APC: variants seen among roughly 807,000 people sequenced by gnomAD.
APC encodes the protein adenomatous polyposis coli protein.
APC carries 72 observed loss-of-function variants against 247.0 expected under a neutral mutation model. The observed-to-expected ratio is 0.29, with a 90% CI of 0.24 to 0.35. The LOEUF is 0.35. Ranked by LOEUF, APC falls within the 10% of genes least tolerant of loss-of-function variation. APC has a pLI of 1.00. For synonymous variants in APC, 1,254 were observed against 1,162.5 expected (o/e 1.08, Z -1.60); for missense variants, 3,400 against 3,360.7 (o/e 1.01, Z -0.29).
intron 2 of APC, among the ~76,000 whole-genome samples, chr5:112,762,377 G>A (rs1755769098): frequency 6.6e-6 from 1 of 152,100 alleles, no homozygotes; most frequent in Non-Finnish European, 1.5e-5. Context: ...TCCACTAAAC[G>A]GTACAAGAAT....
intron 1 of APC, among the ~76,000 whole-genome samples, chr5:112,732,662 G>A (rs956605006): frequency 6.6e-6 from 1 of 152,158 alleles, no homozygotes; most frequent in African/African-American, 2.4e-5. Flanking sequence ...TGAGATATGA[G>A]ACAAAATCAG....
At chr5:112,781,139 G>C (rs1174555689) in intron 6 of APC, among the ~76,000 whole-genome samples, 2 of 152,156 alleles carry the variant, frequency 1.3e-5, no homozygotes, top group Non-Finnish European at 2.9e-5. Flanking sequence ...GGAATTATAA[G>C]GGAGAGACAG....
At chr5:112,800,690 G>A (rs1760726854) in intron 7 of APC, among the ~76,000 whole-genome samples, 1 of 152,068 alleles carries the variant, frequency 6.6e-6, no homozygotes. Context: ...ATCTTGAAAT[G>A]ACTGCTTTTA....
In APC at chr5:112,767,092, T is replaced by G. The variant is rs920203867; in HGVS notation, c.221-97T>G. The G allele has an allele frequency of 5.4e-6, 6 of 1,101,852 alleles. No individual in the cohort carries two copies. The African/African-American group carries it at 7.8e-5, about 14-fold the overall frequency. The allele number at this position is 1,101,852 out of a possible 1,614,324, so 68.3% of individuals were successfully genotyped here. On this transcript the variant is annotated intron_variant, in intron 3 of 15. Transcript: ENST00000257430. ...GTCATGTATATTTGTGGTTAAAATG[T>G]AAACCTAATATTTCACTTTAAAATA...
In APC at chr5:112,838,424, A is replaced by G. The variant is rs749720558; in HGVS notation, c.2830A>G (p.Asn944Asp). Residue 944 changes from asparagine (N) to aspartate (D), a missense_variant, in exon 16 of 16, where the codon AAT (asparagine) becomes GAT (aspartate). By Grantham distance (23) the Asn-to-Asp change is conservative. Transcript: ENST00000257430. ...CAATTTCACTAAGTCGGAAAATTCA[A>G]ATAGGACATGTTCTATGCCTTATGC... The part of the protein sequence containing the change: ...TYNFTKSENS[N>D]RTCSMPYAKL... 8.1e-6 allele frequency: 13 copies of G among 1,614,128 alleles called. No homozygotes were observed. Among genetic ancestry groups the G allele is most frequent in the Non-Finnish European group, 1.1e-5 (13 of 1,180,054 alleles).
chr5:112,834,013 G>A (rs1304029916), intron 14 of APC, among the ~76,000 whole-genome samples: 1 of 151,524 alleles, frequency 6.6e-6, no homozygotes, highest in South Asian at 2.1e-4. Flanking sequence ...GTGCAGTGGC[G>A]CGATCATGGC....
In APC at chr5:112,827,145, C is replaced by A. The variant is rs1763766928; in HGVS notation, c.1446C>A (p.Asp482Glu). The change falls in exon 12 of 16, where the codon GAC (aspartate) becomes GAA (glutamate). Residue 482 changes from aspartate (D) to glutamate (E), a missense_variant. Asp to Glu is a conservative substitution (Grantham distance 45). Transcript: ENST00000257430. ...CCATTGCAGAATTATTGCAAGTGGACTGTGAAATGTATGGGCTTACTAATG... is the reference window on the plus strand; with the variant it reads ...CCATTGCAGAATTATTGCAAGTGGAATGTGAAATGTATGGGCTTACTAATG... Reference protein sequence around the residue: ...LQAIAELLQVDCEMYGLTNDH... With the variant: ...LQAIAELLQVECEMYGLTNDH... 6.2e-7 allele frequency: 1 copy of A among 1,613,516 alleles called. No individual in the cohort carries two copies. The highest frequency in any genetic ancestry group is 1.3e-5 in the African/African-American group (1 of 74,866).
intron 6 of APC, among the ~76,000 whole-genome samples, chr5:112,784,756 A>G (rs1758756271): frequency 6.6e-6 from 1 of 152,212 alleles, no homozygotes; most frequent in African/African-American, 2.4e-5. Flanking sequence ...GGAGTAAATA[A>G]GAATTCCAAA....
In APC at chr5:112,793,602, A is replaced by G. The variant is rs192368700; in HGVS notation, c.729+1073A>G. On this transcript the variant is annotated intron_variant, in intron 7 of 15. Coordinates refer to ENST00000257430, the MANE Select transcript of APC (RefSeq NM_000038.6). ...GCATAGAGCTTCATTTAACTTTTTC[A>G]TAGATAGCCCGCTCTTAAATATGAG... 7.1e-3 allele frequency among the ~76,000 whole-genome samples: 1,079 copies of G among 152,342 alleles called. 8 individuals carry two copies. The highest frequency in any genetic ancestry group is 8.3e-3 in the Non-Finnish European group (563 of 68,032).
chr5:112,770,029 A>C (rs1756857538), intron 4 of APC, among the ~76,000 whole-genome samples: 1 of 152,146 alleles, frequency 6.6e-6, no homozygotes. Context: ...CATGCATACT[A>C]ACCTTTCCTT....
chr5:112,724,024 C>T (rs898781021), intron 1 of APC, among the ~76,000 whole-genome samples: 4 of 152,104 alleles, frequency 2.6e-5, no homozygotes, highest in Admixed American at 2.6e-4. Flanking sequence ...GGGGAATAGT[C>T]TGATCTTTTA....
At chr5:112,739,595 A>G (rs1169247819) in intron 1 of APC, among the ~76,000 whole-genome samples, 1 of 152,376 alleles carries the variant, frequency 6.6e-6, no homozygotes, top group East Asian at 1.9e-4. Flanking sequence ...GTGGTGGCCC[A>G]TGCCTGTAAT....
At chr5:112,740,700 A>AT (rs1263550792) in intron 1 of APC, among the ~76,000 whole-genome samples, 1 of 151,064 alleles carries the variant, frequency 6.6e-6, no homozygotes, top group Non-Finnish European at 1.5e-5. Flanking sequence ...TAATTTTTAT[A>AT]TTTTTTGTAG....
In APC at chr5:112,804,883, G is replaced by A. The variant is rs561986049; in HGVS notation, c.834+3500G>A. On this transcript the variant is annotated intron_variant, in intron 8 of 15. Coordinates refer to ENST00000257430, the MANE Select transcript of APC (RefSeq NM_000038.6). ...GGTAGTCCCAGCTACTTGGGAGGCC[G>A]TGTGGGAGGATCACTTGAGCCTGGG... Among the ~76,000 whole-genome samples the A allele has an allele frequency of 7.9e-5, 12 of 152,178 alleles. No individual in the cohort carries two copies. The South Asian group carries it at 1.4e-3, about 18-fold the overall frequency.
Position 112,839,529 on chromosome 5 carries a change from G to C in APC, c.3935G>C (p.Gly1312Ala), listed in dbSNP as rs587779791. The change falls in exon 16 of 16, where the codon GGA (glycine) becomes GCA (alanine). Residue 1312 changes from glycine (G) to alanine (A), a missense_variant. Transcript: ENST00000257430. The surrounding 1 kb of genome is among the most constrained non-coding windows in gnomAD (Gnocchi z 5.0). ...ATAGCAGAAATAAAAGAAAAGATTGGAACTAGGTCAGCTGAAGATCCTGTG... is the reference window on the plus strand; with the variant it reads ...ATAGCAGAAATAAAAGAAAAGATTGCAACTAGGTCAGCTGAAGATCCTGTG... Reference protein sequence around the residue: ...LQIAEIKEKIGTRSAEDPVSE... With the variant: ...LQIAEIKEKIATRSAEDPVSE... 11 of 1,614,140 alleles carry C rather than the reference G, an allele frequency of 6.8e-6. No individual in the cohort carries two copies. In the Admixed American group the frequency reaches 1.8e-4, roughly 27 times the overall value.
chr5:112,757,669 C>G (rs1444179679), intron 2 of APC, among the ~76,000 whole-genome samples: 1 of 152,032 alleles, frequency 6.6e-6, no homozygotes, highest in Middle Eastern at 3.2e-3. Context: ...GGCAAAAGAG[C>G]CAGACCTGGT....
At chr5:112,824,712 C>T (rs544043810) in intron 11 of APC, among the ~76,000 whole-genome samples, 8 of 152,116 alleles carry the variant, frequency 5.3e-5, no homozygotes, top group Non-Finnish European at 2.9e-5. Flanking sequence ...TGGTATTGAT[C>T]CTCTGCTTTA....
At chr5:112,715,764 C>T (rs1050463055) in intron 1 of APC, among the ~76,000 whole-genome samples, 2 of 151,858 alleles carry the variant, frequency 1.3e-5, no homozygotes, top group African/African-American at 4.8e-5. Flanking sequence ...TCATCTTGAG[C>T]GTTTATCATT....
chr5:112,834,918 TAA>T, intron 14 of APC, 31 bp from the exon 15 acceptor site: 1 of 1,582,912 alleles, frequency 6.3e-7, no homozygotes, highest in Non-Finnish European at 8.7e-7. Context: ...ATTCCAACTC[TAA>T]TTAGATGACC....
Sources: gnomAD v4.1 joint callset for allele counts (sites outside exome capture counted in the v4.1 genomes callset) on GRCh38, gnomAD v4.1.1 for gene constraint, Gnocchi (gnomAD v3.1) non-coding constraint, MANE v1.5 for transcripts, NCBI Gene and HGNC (gene_info 2026-07-23, HGNC 2026-07-21) for gene names.